The following CDH12 variants were observed in gnomAD, a reference collection of about 807,000 sequenced individuals.
The protein encoded by CDH12 is cadherin-12.
CDH12 carries 41 observed loss-of-function variants against 74.1 expected under a neutral mutation model. The ratio of observed to expected loss-of-function variants is 0.55; its 90% CI spans 0.43 to 0.72. The LOEUF (loss-of-function observed/expected upper bound fraction) is 0.72, where lower values mean the gene tolerates loss of function less well. CDH12 is among the 30% of genes least tolerant of loss of function. The pLI is 0.00. For missense variants in CDH12, 945 were observed against 977.2 expected, an observed-to-expected ratio of 0.97 and a Z score of 0.44; for synonymous variants, 399 against 355.0, an observed-to-expected ratio of 1.12 and a Z score of -1.39.
chr5:22,334,019 T>A (rs114617166), intron 3 of CDH12, among the ~76,000 whole-genome samples: 1,721 of 152,232 alleles, frequency 0.011, 38 homozygotes, highest in African/African-American at 0.04. Flanking sequence ...ACATGTAGTA[T>A]CACATTGACT....
At chr5:22,614,125 G>A (rs1049798197) in intron 1 of CDH12, among the ~76,000 whole-genome samples, 2 of 151,976 alleles carry the variant, frequency 1.3e-5, no homozygotes, top group Non-Finnish European at 2.9e-5. Flanking sequence ...CAATATAGAC[G>A]CTCTTAGTAG....
intron 4 of CDH12, among the ~76,000 whole-genome samples, chr5:22,096,901 C>A (rs1051007128): frequency 6.6e-6 from 1 of 152,178 alleles, no homozygotes; most frequent in Non-Finnish European, 1.5e-5. Flanking sequence ...AAATTAAATT[C>A]TGGCCCTCAA....
At chr5:22,719,060 T>A (rs559717589) in intron 1 of CDH12, among the ~76,000 whole-genome samples, 1 of 152,196 alleles carries the variant, frequency 6.6e-6, no homozygotes, top group African/African-American at 2.4e-5. Flanking sequence ...CCCAAATTGA[T>A]AGCCAGCTAG....
At position 21,802,400 on chromosome 5, in the gene CDH12, CTTT is replaced by C; in HGVS notation, c.1020_1022del (p.Lys342del). On this transcript the variant is annotated inframe_deletion, in exon 10 of 15. Transcript: ENST00000382254. ...CCTCAACTTTGAAAGTGTATGCCTT[CTTT>C]GTTTCAAAATCTAAAGGCTGTAGTG... 6.2e-7 allele frequency: 1 copy of C among 1,613,462 alleles called. No homozygotes were observed. The highest frequency in any genetic ancestry group is 2.2e-5 in the East Asian group (1 of 44,794).
intron 3 of CDH12, among the ~76,000 whole-genome samples, chr5:22,319,778 G>T (rs1472034335): frequency 2.0e-5 from 3 of 151,952 alleles, no homozygotes; most frequent in Admixed American, 2.0e-4. Flanking sequence ...TCATTTCAGG[G>T]TTCCTTTAGA....
chr5:22,656,245 T>G (rs72637793), intron 1 of CDH12, among the ~76,000 whole-genome samples: 10,121 of 152,192 alleles, frequency 0.067, 852 homozygotes, highest in East Asian at 0.43. Flanking sequence ...TATTTTGTGC[T>G]AAGATTCTGG....
intron 1 of CDH12, among the ~76,000 whole-genome samples, chr5:22,603,866 G>A (rs575548564): frequency 2.6e-5 from 4 of 152,300 alleles, no homozygotes; most frequent in Admixed American, 2.0e-4. Flanking sequence ...AAAAAGAATT[G>A]AATTGTTGGT....
At chr5:21,938,634 T>G (rs1185995805) in intron 6 of CDH12, among the ~76,000 whole-genome samples, 1 of 149,114 alleles carries the variant, frequency 6.7e-6, no homozygotes, top group South Asian at 2.1e-4. Context: ...CTGCTTCTTT[T>G]ATCTGTCATT....
rs531517226 is a variant in CDH12, at chr5:22,126,817, G to A, written c.-186-47955C>T. On this transcript the variant is annotated intron_variant, in intron 4 of 14. Transcript: ENST00000382254. Reference sequence around the variant, plus strand: ...GTTACAGGCCTTGCAACCTCCAAGCGGCTAATTACCAAGATGTTAAGTAAA... The same window carrying A: ...GTTACAGGCCTTGCAACCTCCAAGCAGCTAATTACCAAGATGTTAAGTAAA... Among the ~76,000 whole-genome samples, 1,102 of 152,184 alleles carry A rather than the reference G, an allele frequency of 7.2e-3. 17 individuals carry two copies. Among genetic ancestry groups the A allele is most frequent in the African/African-American group, 0.026 (1,062 of 41,508 alleles).
At chr5:21,864,014 C>G (rs1181840310) in intron 6 of CDH12, among the ~76,000 whole-genome samples, 1 of 151,308 alleles carries the variant, frequency 6.6e-6, no homozygotes, top group Non-Finnish European at 1.5e-5. Flanking sequence ...AAGTTGCTTT[C>G]AAAATAAAAA....
chr5:21,882,673 T>C (rs1168382274), intron 6 of CDH12: 4 of 1,604,510 alleles, frequency 2.5e-6, no homozygotes, highest in Non-Finnish European at 3.4e-6. Context: ...ATGCCAAAGA[T>C]GTAAAATTTG....
intron 6 of CDH12, among the ~76,000 whole-genome samples, chr5:21,892,146 G>C (rs1262891987): frequency 1.3e-5 from 2 of 152,182 alleles, no homozygotes. Flanking sequence ...GATCTGAACT[G>C]TATTTGGGGA....
intron 2 of CDH12, among the ~76,000 whole-genome samples, chr5:22,443,545 G>A (rs560796040): frequency 4.6e-5 from 7 of 152,104 alleles, no homozygotes; most frequent in South Asian, 2.1e-4. Flanking sequence ...GTCAATTTCC[G>A]TAACATGGAT....
At chr5:22,742,482 A>G (rs1745077232) in intron 1 of CDH12, among the ~76,000 whole-genome samples, 1 of 152,084 alleles carries the variant, frequency 6.6e-6, no homozygotes, top group Admixed American at 6.5e-5. Context: ...GCCTGTGGAA[A>G]TACCTTCAAA....
At chr5:22,458,488 A>T (rs1425720177) in intron 2 of CDH12, among the ~76,000 whole-genome samples, 1 of 152,136 alleles carries the variant, frequency 6.6e-6, no homozygotes, top group African/African-American at 2.4e-5. Context: ...ACCAGAACCT[A>T]CCAAGTACAA....
At chr5:22,037,789 G>A (rs892010383) in intron 5 of CDH12, among the ~76,000 whole-genome samples, 1 of 152,074 alleles carries the variant, frequency 6.6e-6, no homozygotes, top group East Asian at 1.9e-4. Flanking sequence ...TGATAGAAAA[G>A]TGCTAGATTA....
chr5:22,046,551 C>T (rs998456356), intron 5 of CDH12, among the ~76,000 whole-genome samples: 1 of 151,062 alleles, frequency 6.6e-6, no homozygotes, highest in Non-Finnish European at 1.5e-5. Context: ...CCTGCCTCAG[C>T]CTCCGGTCAT....
chr5:22,782,493 T>C (rs1561027218), intron 1 of CDH12, among the ~76,000 whole-genome samples: 1 of 152,250 alleles, frequency 6.6e-6, no homozygotes, highest in South Asian at 2.1e-4. Flanking sequence ...TCCGTCATAA[T>C]TGTAAGTTTC....
chr5:22,833,176 G>A (rs1736692552), intron 1 of CDH12, among the ~76,000 whole-genome samples: 3 of 152,036 alleles, frequency 2.0e-5, no homozygotes, highest in South Asian at 2.1e-4. Context: ...CACAGTAAAC[G>A]GAATGTAACC....
Sources: allele counts gnomAD v4.1 joint callset (sites outside exome capture counted in the v4.1 genomes callset), GRCh38; gene constraint gnomAD v4.1.1; transcripts MANE v1.5; gene names NCBI Gene and HGNC (gene_info 2026-07-23, HGNC 2026-07-21).